Variants in CHCHD3 observed in about 807,000 individuals in gnomAD.
The protein encoded by CHCHD3 is coiled-coil-helix-coiled-coil-helix domain containing 3, also known as MICOS complex subunit MIC19.
Under a neutral mutation model 38.2 loss-of-function variants are expected in CHCHD3, and 20 were observed. That is an observed-to-expected ratio of 0.52 (90% CI 0.37 to 0.76). The LOEUF is 0.76. Ranked by LOEUF, CHCHD3 falls within the 30% of genes least tolerant of loss-of-function variation. The pLI is 0.00. For synonymous variants in CHCHD3, 82 were observed against 100.0 expected, an observed-to-expected ratio of 0.82 and a Z score of 1.07; for missense variants, 245 against 279.2, an observed-to-expected ratio of 0.88 and a Z score of 0.87.
At chr7:132,837,939 G>A (rs561115261) in intron 6 of CHCHD3, among the ~76,000 whole-genome samples, 7 of 152,222 alleles carry the variant, frequency 4.6e-5, no homozygotes, top group South Asian at 2.1e-4. Flanking sequence ...GCCAGGTAAA[G>A]TCTATGATTT....
chr7:132,804,688 C>T (rs916685040), intron 6 of CHCHD3, among the ~76,000 whole-genome samples: 2 of 152,116 alleles, frequency 1.3e-5, no homozygotes, highest in Admixed American at 6.5e-5. Flanking sequence ...GGTGAGAGAG[C>T]GTGTTACATT....
intron 6 of CHCHD3, among the ~76,000 whole-genome samples, chr7:132,830,387 C>G (rs1807617150): frequency 6.6e-6 from 1 of 152,180 alleles, no homozygotes; most frequent in Non-Finnish European, 1.5e-5. Flanking sequence ...CTACAACTTT[C>G]CTAAAATGGG....
chr7:132,785,678 A>C lies in CHCHD3; in HGVS notation c.661-18T>G, dbSNP rs531912106. 1.2e-5 allele frequency: 19 copies of C among 1,614,010 alleles called. No individual in the cohort carries two copies. The South Asian group carries it at 2.0e-4, about 17-fold the overall frequency. ...AGCATGCTCTGCAAGAAAAACAGAA[A>C]GAGTAAGTTTTACCACCGGGAGAGG... On this transcript the variant is annotated intron_variant, in intron 7 of 7. Coordinates refer to ENST00000262570, the MANE Select transcript of CHCHD3 (RefSeq NM_017812.4).
intron 4 of CHCHD3, among the ~76,000 whole-genome samples, chr7:132,972,341 G>A (rs1296211962): frequency 6.6e-6 from 1 of 152,110 alleles, no homozygotes; most frequent in Non-Finnish European, 1.5e-5. Context: ...ACAAAAGAGT[G>A]TATACTATTA....
At chr7:132,984,888 G>T (rs1425000065) in intron 3 of CHCHD3, among the ~76,000 whole-genome samples, 4 of 101,936 alleles carry the variant, frequency 3.9e-5, no homozygotes, top group African/African-American at 1.5e-4. Context: ...CGCCCCATCC[G>T]GGAGGGAGGT....
intron 4 of CHCHD3, among the ~76,000 whole-genome samples, chr7:132,943,555 A>T (rs1250432237): frequency 6.6e-6 from 1 of 152,194 alleles, no homozygotes; most frequent in Non-Finnish European, 1.5e-5. Context: ...CAAAATAAAC[A>T]CAAGACTGAA....
intron 2 of CHCHD3, among the ~76,000 whole-genome samples, chr7:133,069,593 GAAGA>G (rs1185471182): frequency 6.6e-6 from 1 of 152,140 alleles, no homozygotes; most frequent in Admixed American, 6.6e-5. Context: ...AGAAAAGGGA[GAAGA>G]AACAGCATTA....
At chr7:132,835,363 T>C (rs1373775893) in intron 6 of CHCHD3, among the ~76,000 whole-genome samples, 1 of 152,218 alleles carries the variant, frequency 6.6e-6, no homozygotes, top group Admixed American at 6.5e-5. Context: ...GACCTCTCTT[T>C]GGCCAAGGCC....
At chr7:132,872,817 G>T (rs954865468) in intron 5 of CHCHD3, among the ~76,000 whole-genome samples, 3 of 152,160 alleles carry the variant, frequency 2.0e-5, no homozygotes, top group Non-Finnish European at 2.9e-5. Context: ...TTTTTAAAGA[G>T]GGGGAGGGCC....
At chr7:132,880,126 A>G (rs1562894539) in intron 5 of CHCHD3, among the ~76,000 whole-genome samples, 2 of 152,220 alleles carry the variant, frequency 1.3e-5, no homozygotes, top group Admixed American at 1.3e-4. Context: ...TACCACACAA[A>G]GAACTAATGC....
At chr7:132,818,540 G>A (rs1247562582) in intron 6 of CHCHD3, among the ~76,000 whole-genome samples, 1 of 152,152 alleles carries the variant, frequency 6.6e-6, no homozygotes, top group Non-Finnish European at 1.5e-5. Context: ...AAGTGGGTGG[G>A]TAGGCTTTTA....
chr7:133,002,035 C>G (rs1487181825), intron 3 of CHCHD3, among the ~76,000 whole-genome samples: 8 of 152,086 alleles, frequency 5.3e-5, no homozygotes, highest in African/African-American at 1.7e-4. Context: ...GAGGAGGTAT[C>G]TGAGCCCTCA....
intron 7 of CHCHD3, 65 bp from the exon 8 acceptor site, chr7:132,785,725 C>A (rs1389821866): frequency 1.8e-5 from 26 of 1,475,974 alleles, no homozygotes; most frequent in Non-Finnish European, 2.5e-5. Context: ...ATGGCACTAA[C>A]TATTTAGTAT....
intron 4 of CHCHD3, among the ~76,000 whole-genome samples, chr7:132,923,639 T>C (rs987751663): frequency 6.6e-6 from 1 of 152,102 alleles, no homozygotes; most frequent in African/African-American, 2.4e-5. Flanking sequence ...AAATTACATA[T>C]AAAATAGTAC....
At chr7:132,936,176 C>T (rs1810628392) in intron 4 of CHCHD3, among the ~76,000 whole-genome samples, 1 of 152,118 alleles carries the variant, frequency 6.6e-6, no homozygotes, top group Non-Finnish European at 1.5e-5. Flanking sequence ...GTATAGTGCC[C>T]GGCATGAGTA....
At chr7:132,864,088 T>C (rs571912083) in intron 5 of CHCHD3, among the ~76,000 whole-genome samples, 8 of 152,294 alleles carry the variant, frequency 5.3e-5, no homozygotes, top group East Asian at 1.9e-4. Context: ...ACTTGGCCAA[T>C]TGTTTGGTGC....
intron 6 of CHCHD3, among the ~76,000 whole-genome samples, chr7:132,820,611 G>GTTTTTTTTTTTTTTT (rs748470167): frequency 1.0e-5 from 1 of 96,190 alleles, no homozygotes. Context: ...ATGTGCTAGT[G>GTTTTTTTTTTTTTTT]TTTTTTTTTT....
intron 4 of CHCHD3, among the ~76,000 whole-genome samples, chr7:132,914,195 G>A (rs111514677): frequency 0.018 from 2,679 of 149,888 alleles, 91 homozygotes; most frequent in African/African-American, 0.062. Flanking sequence ...TCACCATGTT[G>A]GCCAGGATGA....
At chr7:132,901,783 A>G (rs979121342) in intron 4 of CHCHD3, among the ~76,000 whole-genome samples, 1 of 152,232 alleles carries the variant, frequency 6.6e-6, no homozygotes, top group South Asian at 2.1e-4. Context: ...CACTCTGATG[A>G]CAGTTTCTTT....
Sources: gnomAD v4.1 joint callset for allele counts (sites outside exome capture counted in the v4.1 genomes callset) on GRCh38, gnomAD v4.1.1 for gene constraint, MANE v1.5 for transcripts, NCBI Gene and HGNC (gene_info 2026-07-23, HGNC 2026-07-21) for gene names.